The following SGCD variants were observed in gnomAD, a reference collection of about 807,000 sequenced individuals.
The protein encoded by SGCD is delta-sarcoglycan.
A neutral mutation model predicts 36.6 loss-of-function variants in SGCD; 18 were observed. The ratio of observed to expected loss-of-function variants is 0.49; its 90% CI spans 0.34 to 0.73. The LOEUF is 0.73. Among genes scored for constraint, SGCD ranks in the 30% least tolerant of loss-of-function variants. The probability of loss-of-function intolerance (pLI) is 0.01; values close to 1 mark genes in which losing one functional copy is unlikely to be tolerated. For missense variants in SGCD, 387 were observed against 346.7 expected, an observed-to-expected ratio of 1.12 and a Z score of -0.92; for synonymous variants, 133 against 130.6, an observed-to-expected ratio of 1.02 and a Z score of -0.12.
intron 3 of SGCD, among the ~76,000 whole-genome samples, chr5:156,130,251 G>C (rs542256407): frequency 2.0e-5 from 3 of 152,088 alleles, no homozygotes; most frequent in Admixed American, 6.5e-5. Context: ...TTGATATTGA[G>C]CTTTTTTTCA....
intron 6 of SGCD, among the ~76,000 whole-genome samples, chr5:156,622,441 T>TAAA (rs1028075534): frequency 2.3e-5 from 2 of 86,256 alleles, no homozygotes; most frequent in African/African-American, 8.3e-5. Flanking sequence ...TAAAAAATAA[T>TAAA]AATAATAATA....
intron 3 of SGCD, among the ~76,000 whole-genome samples, chr5:156,286,265 G>T (rs181417861): frequency 6.6e-5 from 10 of 152,276 alleles, no homozygotes; most frequent in Admixed American, 6.5e-4. Context: ...TGTCAGTGTG[G>T]CGATTCCTCA....
intron 7 of SGCD, 85 bp downstream of exon 7, chr5:156,647,621 A>G (rs1240191421): frequency 3.4e-6 from 3 of 891,052 alleles, no homozygotes; most frequent in Non-Finnish European, 5.4e-6. Flanking sequence ...TGAATAAATA[A>G]TAAGTGTCAC....
At chr5:156,721,360 G>A (rs1380745495) in intron 7 of SGCD, among the ~76,000 whole-genome samples, 2 of 152,172 alleles carry the variant, frequency 1.3e-5, no homozygotes, top group Non-Finnish European at 2.9e-5. Flanking sequence ...ATAAAGAACT[G>A]CCAGTGAGAT....
intron 1 of SGCD, among the ~76,000 whole-genome samples, chr5:156,069,223 C>T (rs1760449684): frequency 6.6e-6 from 1 of 152,036 alleles, no homozygotes; most frequent in Admixed American, 6.6e-5. Context: ...AATGGTAATG[C>T]CTAGGTTTTC....
chr5:156,468,350 A>T (rs1024410372), intron 3 of SGCD, among the ~76,000 whole-genome samples: 6 of 151,898 alleles, frequency 4.0e-5, no homozygotes, highest in African/African-American at 1.4e-4. Flanking sequence ...TCAAAAAAAA[A>T]AAAAAAAAAA....
At chr5:156,032,990 T>C (rs1296029120) in intron 1 of SGCD, among the ~76,000 whole-genome samples, 1 of 151,720 alleles carries the variant, frequency 6.6e-6, no homozygotes, top group Non-Finnish European at 1.5e-5. Context: ...GGCAGGAAGA[T>C]CGTTTGAGCC....
intron 1 of SGCD, among the ~76,000 whole-genome samples, chr5:156,110,761 G>C (rs577949959): frequency 6.6e-6 from 1 of 152,094 alleles, no homozygotes; most frequent in South Asian, 2.1e-4. Context: ...TTTATTTTTA[G>C]AGTAATATCC....
chr5:156,018,121 C>T (rs1278363199), intron 1 of SGCD, among the ~76,000 whole-genome samples: 1 of 152,180 alleles, frequency 6.6e-6, no homozygotes, highest in Non-Finnish European at 1.5e-5. Context: ...AATTGCACCA[C>T]TGCAATCCTG....
At chr5:156,217,519 T>C (rs115514442) in intron 3 of SGCD, among the ~76,000 whole-genome samples, 198 of 152,298 alleles carry the variant, frequency 1.3e-3, no homozygotes, top group Non-Finnish European at 2.4e-3. Flanking sequence ...TCATGTGGGA[T>C]AACATTGCAA....
At chr5:156,241,390 A>T (rs1450139210) in intron 3 of SGCD, among the ~76,000 whole-genome samples, 1 of 152,068 alleles carries the variant, frequency 6.6e-6, no homozygotes, top group African/African-American at 2.4e-5. Context: ...AGTATTAGAG[A>T]ATGCTTTGTG....
At chr5:156,548,696 T>C (rs1758676424) in intron 4 of SGCD, among the ~76,000 whole-genome samples, 1 of 152,118 alleles carries the variant, frequency 6.6e-6, no homozygotes, top group Non-Finnish European at 1.5e-5. Context: ...AGTGAGGCAA[T>C]GTGTGCAGAG....
At chr5:155,728,550 A>T in the SGCD span, among the ~76,000 whole-genome samples, 1 of 152,186 alleles carries the variant, frequency 6.6e-6, no homozygotes, top group Non-Finnish European at 1.5e-5. Context: ...TGTCTGCTCC[A>T]GCCGCTACTG....
chr5:156,722,466 G>C (rs768525483), intron 7 of SGCD, among the ~76,000 whole-genome samples: 21 of 152,164 alleles, frequency 1.4e-4, no homozygotes, highest in Non-Finnish European at 3.1e-4. Flanking sequence ...TTGTCATAAA[G>C]TCTATACAGC....
intron 3 of SGCD, among the ~76,000 whole-genome samples, chr5:156,456,451 G>T (rs1314060189): frequency 6.6e-6 from 1 of 152,192 alleles, no homozygotes; most frequent in Non-Finnish European, 1.5e-5. Flanking sequence ...CATCCTTGTT[G>T]TAAAGTGTCA....
Position 156,308,300 on chromosome 5 carries a change from C to CT in SGCD, c.-43-21218dup, listed in dbSNP as rs3043456. ...AGAGAGCAAAGGGGGAAGTGCCATA[C>CT]TTTTTTTTTTTTTTTTGAGACGGAG... On this transcript the variant is annotated intron_variant, in intron 3 of 9. Transcript: ENST00000517913. Among the ~76,000 whole-genome samples, 28 of 141,348 alleles carry CT rather than the reference C, an allele frequency of 2.0e-4. 1 individual carries two copies. The highest frequency in any genetic ancestry group is 7.0e-4 in the Admixed American group (10 of 14,286). 92.7% of individuals were successfully genotyped at this position (141,348 alleles called of 152,430 possible).
At chr5:156,311,225 C>G (rs1171461141) in intron 3 of SGCD, among the ~76,000 whole-genome samples, 1 of 152,102 alleles carries the variant, frequency 6.6e-6, no homozygotes, top group Non-Finnish European at 1.5e-5. Flanking sequence ...CTGCTTGAGA[C>G]TAGATTCCCT....
chr5:156,242,038 T>A (rs1765318429), intron 3 of SGCD, among the ~76,000 whole-genome samples: 1 of 152,092 alleles, frequency 6.6e-6, no homozygotes, highest in South Asian at 2.1e-4. Flanking sequence ...AGTAGGGGGT[T>A]CATACAAAAA....
At chr5:156,650,883 T>C (rs1220106368) in intron 7 of SGCD, among the ~76,000 whole-genome samples, 6 of 152,070 alleles carry the variant, frequency 3.9e-5, no homozygotes, top group South Asian at 2.1e-4. Context: ...GTAATTGCGT[T>C]GTCAGTTCTT....
Sources: allele counts gnomAD v4.1 joint callset (sites outside exome capture counted in the v4.1 genomes callset), GRCh38; gene constraint gnomAD v4.1.1; transcripts MANE v1.5; gene names NCBI Gene and HGNC (gene_info 2026-07-23, HGNC 2026-07-21).